Variants in LANCL3 observed in about 807,000 individuals in gnomAD.
LANCL3 encodes the protein lanC-like protein 3.
In LANCL3, 19 loss-of-function variants were observed where a neutral mutation model predicts 26.5. The observed-to-expected ratio is 0.72, with a 90% CI of 0.50 to 1.05. The LOEUF (loss-of-function observed/expected upper bound fraction) is 1.05. Among genes scored for constraint, LANCL3 ranks in the 50% least tolerant of loss-of-function variants. The pLI, the probability that LANCL3 is intolerant of heterozygous loss-of-function variation, is 0.00. For synonymous variants in LANCL3, 160 were observed against 166.6 expected, an observed-to-expected ratio of 0.96 and a Z score of 0.30; for missense variants, 318 against 362.7, an observed-to-expected ratio of 0.88 and a Z score of 1.00.
At chrX:37,638,719 A>G (rs1556425579) in intron 1 of LANCL3, among the ~76,000 whole-genome samples, 1 of 111,592 alleles carries the variant, frequency 9.0e-6, no homozygotes, top group Non-Finnish European at 1.9e-5. Flanking sequence ...TCATACATCT[A>G]TTAACCAGAT....
intron 3 of LANCL3, 50 bp from the exon 4 acceptor site, chrX:37,667,232 A>G (rs1926565644): frequency 2.4e-6 from 2 of 818,500 alleles, no homozygotes; most frequent in Non-Finnish European, 3.3e-6. Context: ...GTTCTGCTCC[A>G]AAGTATTAAG....
intron 1 of LANCL3, among the ~76,000 whole-genome samples, chrX:37,631,609 A>C (rs1925514892): frequency 9.1e-6 from 1 of 110,286 alleles, no homozygotes; most frequent in Non-Finnish European, 1.9e-5. Flanking sequence ...ATTTCCCTCT[A>C]CACACTGCTT....
intron 1 of LANCL3, among the ~76,000 whole-genome samples, chrX:37,582,159 C>T (rs1452432127): frequency 8.9e-6 from 1 of 112,152 alleles, no homozygotes; most frequent in Non-Finnish European, 1.9e-5. Flanking sequence ...ATATGTGCCA[C>T]ATTTTCTTAA....
rs1260763167 is a variant in LANCL3 at position 37,579,031 on chromosome X, C to CT, written c.573+6595dup. Among the ~76,000 whole-genome samples, 404 of 98,028 alleles carry CT rather than the reference C, an allele frequency of 4.1e-3. 2 individuals carry two copies. The highest frequency in any genetic ancestry group is 6.8e-3 in the Non-Finnish European group (326 of 48,125). The allele number at this position is 98,028 out of a possible 115,157, so 85.1% of individuals were successfully genotyped here. On this transcript the variant is annotated intron_variant, in intron 1 of 4. Transcript: ENST00000378619. ...TATTTTAAAAGTTAACATGTTTTTT[C>CT]TTTTTTTAGAACAGTCTATTCCATA...
rs949008445 is a variant in LANCL3 at position 37,620,850 on chromosome X, G to A, written c.574-34838G>A. Among the ~76,000 whole-genome samples the A allele has an allele frequency of 7.2e-5, 8 of 111,612 alleles. No homozygotes were observed. The Admixed American group carries it at 7.6e-4, about 11-fold the overall frequency. On this transcript the variant is annotated intron_variant, in intron 1 of 4. Transcript: ENST00000378619. The stretch of plus-strand genomic sequence containing the variant: ...GACCTTGTCTCTGGAACAATCATCT[G>A]GCTTTGGTTATTCATTATCATTGAA...
chrX:37,619,405 T>G (rs1469130406), intron 1 of LANCL3, among the ~76,000 whole-genome samples: 1 of 111,405 alleles, frequency 9.0e-6, no homozygotes, highest in Non-Finnish European at 1.9e-5. Flanking sequence ...TACTTAGAGT[T>G]GTAACCAGAA....
At chrX:37,666,290 C>G (rs1217860424) in intron 3 of LANCL3, among the ~76,000 whole-genome samples, 3 of 112,010 alleles carry the variant, frequency 2.7e-5, no homozygotes, top group African/African-American at 6.5e-5. Context: ...TTAATAGATG[C>G]AAAACTGGCT....
chrX:37,630,038 G>A (rs1359469955), intron 1 of LANCL3, among the ~76,000 whole-genome samples: 9 of 111,559 alleles, frequency 8.1e-5, no homozygotes, highest in Admixed American at 3.8e-4. Flanking sequence ...AATTACCTTG[G>A]GCAGTATGGC....
chrX:37,585,267 A>T (rs1430126366), intron 1 of LANCL3, among the ~76,000 whole-genome samples: 1 of 111,728 alleles, frequency 9.0e-6, no homozygotes, highest in Non-Finnish European at 1.9e-5. Flanking sequence ...AAGAATGTCT[A>T]TTCTGTTGAT....
At chrX:37,614,041 C>T (rs1924946429) in intron 1 of LANCL3, among the ~76,000 whole-genome samples, 1 of 112,085 alleles carries the variant, frequency 8.9e-6, no homozygotes, top group East Asian at 2.8e-4. Context: ...TTGTAGTAAA[C>T]CCACATTCCT....
intron 1 of LANCL3, among the ~76,000 whole-genome samples, chrX:37,641,151 A>G (rs781920458): frequency 9.0e-6 from 1 of 111,674 alleles, no homozygotes; most frequent in Admixed American, 9.6e-5. Flanking sequence ...TCCCTTTAAA[A>G]TACCAGAAAA....
intron 1 of LANCL3, among the ~76,000 whole-genome samples, chrX:37,573,655 A>G (rs1363485481): frequency 8.9e-6 from 1 of 112,420 alleles, no homozygotes; most frequent in African/African-American, 3.2e-5. Context: ...CCAGTTGTAG[A>G]AAACCTTTTA....
chrX:37,654,617 G>A (rs921818733), intron 1 of LANCL3, among the ~76,000 whole-genome samples: 13 of 111,770 alleles, frequency 1.2e-4, no homozygotes, highest in Admixed American at 8.6e-4. Context: ...AGAAACAATC[G>A]TGGAGCGGAG....
intron 1 of LANCL3, among the ~76,000 whole-genome samples, chrX:37,626,074 A>G (rs1205596021): frequency 8.9e-6 from 1 of 112,401 alleles, no homozygotes; most frequent in African/African-American, 3.2e-5. Flanking sequence ...CAGTACAGTT[A>G]CATGGCAAAG....
intron 1 of LANCL3, among the ~76,000 whole-genome samples, chrX:37,618,171 C>A (rs17145859): frequency 0.014 from 1,565 of 112,312 alleles, 27 homozygotes; most frequent in African/African-American, 0.047. Flanking sequence ...CATTTGGCCC[C>A]AAACTGGAGC....
At chrX:37,582,770 T>A (rs1923937509) in intron 1 of LANCL3, among the ~76,000 whole-genome samples, 1 of 112,077 alleles carries the variant, frequency 8.9e-6, no homozygotes, top group Non-Finnish European at 1.9e-5. Flanking sequence ...GTAGGTTGCC[T>A]GTTCACTCTG....
intron 1 of LANCL3, among the ~76,000 whole-genome samples, chrX:37,651,039 G>A (rs1029902707): frequency 9.1e-6 from 1 of 110,368 alleles, no homozygotes; most frequent in African/African-American, 3.3e-5. Flanking sequence ...TTCATCCATG[G>A]CCCTACAAAG....
rs184848831 is a variant in LANCL3 at position 37,675,162 on chromosome X, T to G, written c.1104-492T>G. ...TTCCTATTCATCTTATTCCCTTGTTTGCTCACAGCACAGATTGTATAAAAT... is the reference window on the plus strand; with the variant it reads ...TTCCTATTCATCTTATTCCCTTGTTGGCTCACAGCACAGATTGTATAAAAT... On this transcript the variant is annotated intron_variant, in intron 4 of 4. Transcript: ENST00000378619. 1.8e-4 allele frequency among the ~76,000 whole-genome samples: 20 copies of G among 112,143 alleles called. No individual in the cohort carries two copies. The East Asian group carries it at 5.6e-3, about 31-fold the overall frequency.
Position 37,596,874 on chromosome X carries a change from A to G in LANCL3, c.573+24431A>G, listed in dbSNP as rs536334228. ...TCACCCGTTTAAAATATACAGTTCA[A>G]TGGTTTTAATATGTTCATGGGGTTG... On this transcript the variant is annotated intron_variant, in intron 1 of 4. Coordinates refer to ENST00000378619, the MANE Select transcript of LANCL3 (RefSeq NM_001170331.2). Among the ~76,000 whole-genome samples the G allele has an allele frequency of 6.3e-5, 7 of 111,843 alleles. 1 individual carries two copies. Among genetic ancestry groups the G allele is most frequent in the African/African-American group, 1.9e-4 (6 of 30,849 alleles).
Sources: allele counts gnomAD v4.1 joint callset (sites outside exome capture counted in the v4.1 genomes callset), GRCh38; gene constraint gnomAD v4.1.1; transcripts MANE v1.5; gene names NCBI Gene and HGNC (gene_info 2026-07-23, HGNC 2026-07-21).